Variants in ZNF648 observed in about 807,000 individuals in gnomAD.
ZNF648 encodes zinc finger protein 648.
A neutral mutation model predicts 0.3 loss-of-function variants in ZNF648; 1 was observed. The ratio of observed to expected loss-of-function variants is 3.90; its 90% CI spans 1.39 to 18.51. The LOEUF is 18.51. ZNF648 is among the 30% of genes most tolerant of loss of function. The probability of loss-of-function intolerance (pLI) is 0.11; values close to 1 mark genes in which losing one functional copy is unlikely to be tolerated. For missense variants in ZNF648, 874 were observed against 769.7 expected (o/e 1.14, Z -1.60); for synonymous variants, 376 against 326.8 (o/e 1.15, Z -1.62).
Position 182,058,007 on chromosome 1 carries a change from C to T in ZNF648, c.4G>A (p.Ala2Thr). Residue 2 changes from alanine (A) to threonine (T), a missense_variant, in exon 2 of 2, where the codon GCA becomes ACA. Physicochemically the swap from Ala to Thr is moderately conservative, Grantham distance 58 (BLOSUM62 0). Coordinates refer to ENST00000339948, the MANE Select transcript of ZNF648 (RefSeq NM_001009992.1). Reference sequence around the variant, plus strand: ...CACCTGTCCTGGGAGTCCACTTGTGCCATGATGTTCAGGCGCTTCTATTGC... The same window carrying T: ...CACCTGTCCTGGGAGTCCACTTGTGTCATGATGTTCAGGCGCTTCTATTGC... M[A>T]QVDSQDRWGE... 1 of 1,601,222 alleles carries T rather than the reference C, an allele frequency of 6.2e-7. No homozygotes were observed. Among genetic ancestry groups the T allele is most frequent in the Non-Finnish European group, 8.5e-7 (1 of 1,174,652 alleles).
chr1:182,064,281 T>G (rs1666069434), upstream of ZNF648: 1 of 152,228 alleles, frequency 6.6e-6, no homozygotes, highest in Admixed American at 6.5e-5. Flanking sequence ...AATCTATAAA[T>G]TGCTTTGGGC....
In ZNF648 at chr1:182,056,747, A is replaced by G. The variant is rs1571276685; in HGVS notation, c.1264T>C (p.Cys422Arg). 6.4e-7 allele frequency: 1 copy of G among 1,574,446 alleles called. No individual in the cohort carries two copies. The highest frequency in any genetic ancestry group is 8.6e-7 in the Non-Finnish European group (1 of 1,160,124). The change falls in exon 2 of 2, where the codon TGC (cysteine) becomes CGC (arginine). Residue 422 changes from cysteine to arginine, a missense_variant. Coordinates refer to ENST00000339948, the MANE Select transcript of ZNF648 (RefSeq NM_001009992.1). ...RVHSGERPFPCPTCGKCFTKS... is the reference protein window; with the variant it reads ...RVHSGERPFPRPTCGKCFTKS... ...GTGAAGCACTTGCCGCAGGTGGGGC[A>G]GGGGAAGGGCCGCTCGCCCGAGTGC...
chr1:182,059,702 T>C (rs1665999732), intron 1 of ZNF648, among the ~76,000 whole-genome samples: 1 of 144,174 alleles, frequency 6.9e-6, no homozygotes, highest in African/African-American at 2.7e-5. Context: ...CCGTCTCTAC[T>C]AAAAATACAA....
the ZNF648 span, among the ~76,000 whole-genome samples, chr1:182,067,226 C>T: frequency 9.9e-5 from 15 of 152,208 alleles, no homozygotes; most frequent in Admixed American, 2.0e-4. Flanking sequence ...GAAGACTGCA[C>T]AGTGTAGTGA....
Position 182,057,706 on chromosome 1 carries a change from C to G in ZNF648, c.305G>C (p.Ser102Thr). ...GATCTTTGTCACATCTCTGCTCCAA[C>G]TGGCTTTCCCAGACATTTCCACTGG... ...QKPVEMSGKA[S>T]WSRDVTKINE... The change falls in exon 2 of 2, where the codon AGT becomes ACT. Residue 102 changes from serine (S) to threonine (T), a missense_variant. Ser to Thr is a moderately conservative substitution (Grantham distance 58). Transcript: ENST00000339948. 6.2e-7 allele frequency: 1 copy of G among 1,614,268 alleles called. No individual in the cohort carries two copies. The highest frequency in any genetic ancestry group is 8.5e-7 in the Non-Finnish European group (1 of 1,180,050).
chr1:182,054,710 T>C lies in ZNF648; in HGVS notation c.*1594A>G, dbSNP rs1351374358. Reference sequence around the variant, plus strand: ...CCAAAGTTTCCGTCATATAGTAGGATCACTCTAACTTTTACCTACTACTAT... The same window carrying C: ...CCAAAGTTTCCGTCATATAGTAGGACCACTCTAACTTTTACCTACTACTAT... On this transcript the variant is annotated 3_prime_UTR_variant, in exon 2 of 2. Coordinates refer to ENST00000339948, the MANE Select transcript of ZNF648 (RefSeq NM_001009992.1). The C allele has an allele frequency of 1.3e-5, 2 of 152,208 alleles. No individual in the cohort carries two copies. The highest frequency in any genetic ancestry group is 2.9e-5 in the Non-Finnish European group (2 of 68,034). 9.4% of individuals were successfully genotyped at this position (152,208 alleles called of 1,614,324 possible). A position where few individuals can be genotyped will look rare whatever the true frequency, so the allele number is the denominator to read the frequency against.
Position 182,057,553 on chromosome 1 carries a change from G to T in ZNF648, c.458C>A (p.Ser153Ter), listed in dbSNP as rs1480847787. The T allele has an allele frequency of 2.5e-6, 4 of 1,614,184 alleles. No individual in the cohort carries two copies. The highest frequency in any genetic ancestry group is 3.4e-6 in the Non-Finnish European group (4 of 1,180,028). The change falls in exon 2 of 2, where the codon TCG (serine) becomes TAG (stop). Residue 153 changes from serine to a stop codon, truncating the protein, a stop_gained. Transcript: ENST00000339948. LOFTEE classifies it low-confidence loss of function (END_TRUNC). ...CAAGACTGCGTCCTGGTTTGCCCCC[G>T]AGTATCCATCATCACCCGCAGGTAG... is the stretch of plus-strand genomic sequence containing the variant. ...DRLPAGDDGY[S>*]GANQDAVLDV...
At chr1:182,059,189 T>C (rs1331965590) in intron 1 of ZNF648, among the ~76,000 whole-genome samples, 2 of 152,210 alleles carry the variant, frequency 1.3e-5, no homozygotes, top group East Asian at 3.8e-4. Context: ...TTCCCCCAAG[T>C]GTGCCATATT....
At chr1:182,058,798 G>A (rs1268973375) in intron 1 of ZNF648, among the ~76,000 whole-genome samples, 1 of 152,138 alleles carries the variant, frequency 6.6e-6, no homozygotes, top group Non-Finnish European at 1.5e-5. Flanking sequence ...TAAACATTCA[G>A]GAGAGTTTAC....
At chr1:182,064,790 C>T (rs1048961832), upstream of ZNF648, 3 of 152,146 alleles carry the variant, frequency 2.0e-5, no homozygotes, top group African/African-American at 7.2e-5. Flanking sequence ...GCCACTAGCC[C>T]GCATCCCAAC....
At position 182,056,147 on chromosome 1, in the gene ZNF648, G is replaced by A; in HGVS notation, c.*157C>T. 9.6e-7 allele frequency: 1 copy of A among 1,044,460 alleles called. No individual in the cohort carries two copies. Among genetic ancestry groups the A allele is most frequent in the East Asian group, 2.6e-5 (1 of 38,428 alleles). 64.7% of individuals were successfully genotyped at this position (1,044,460 alleles called of 1,614,324 possible). On this transcript the variant is annotated 3_prime_UTR_variant, in exon 2 of 2. Coordinates refer to ENST00000339948, the MANE Select transcript of ZNF648 (RefSeq NM_001009992.1). ...AACCACCCACCTGGGTGCTCTCTCG[G>A]TGGTGACTTTCTGTTCAAGGGATCA...
rs1284553015 is a variant in ZNF648 at position 182,057,185 on chromosome 1, C to A, written c.826G>T (p.Ala276Ser). 1.9e-6 allele frequency: 3 copies of A among 1,579,540 alleles called. No homozygotes were observed. The highest frequency in any genetic ancestry group is 2.6e-6 in the Non-Finnish European group (3 of 1,168,808). Residue 276 changes from alanine (A) to serine (S), a missense_variant, in exon 2 of 2, where the codon GCC (alanine) becomes TCC (serine). By Grantham distance (99) the Ala-to-Ser change is moderately conservative (BLOSUM62 1). Coordinates refer to ENST00000339948, the MANE Select transcript of ZNF648 (RefSeq NM_001009992.1). ...LSPAETRGGAAKRYACELCGK... is the reference protein window; with the variant it reads ...LSPAETRGGASKRYACELCGK... ...CATAGCTCGCACGCGTAGCGCTTGGCGGCGCCGCCGCGCGTCTCCGCGGGG... is the reference window on the plus strand; with the variant it reads ...CATAGCTCGCACGCGTAGCGCTTGGAGGCGCCGCCGCGCGTCTCCGCGGGG...
In ZNF648 at chr1:182,057,167, C is replaced by T. The variant is rs760029982; in HGVS notation, c.844G>A (p.Glu282Lys). 4 of 1,594,894 alleles carry T rather than the reference C, an allele frequency of 2.5e-6. No homozygotes were observed. In the East Asian group the frequency reaches 6.7e-5, roughly 27 times the overall value. Residue 282 changes from glutamate (E) to lysine (K), a missense_variant, in exon 2 of 2, where the codon GAG becomes AAG. Coordinates refer to ENST00000339948, the MANE Select transcript of ZNF648 (RefSeq NM_001009992.1). ...TGGGAGTAGGCCTTCCCGCATAGCT[C>T]GCACGCGTAGCGCTTGGCGGCGCCG... ...RGGAAKRYAC[E>K]LCGKAYSHRG...
intron 1 of ZNF648, among the ~76,000 whole-genome samples, chr1:182,058,855 C>T (rs1250310842): frequency 3.3e-5 from 5 of 152,114 alleles, no homozygotes; most frequent in Non-Finnish European, 5.9e-5. Flanking sequence ...GTCGGAGTCT[C>T]GCTCTGTCAC....
rs773620545 is a variant in ZNF648, at chr1:182,056,553, G to A, written c.1458C>T (p.Ala486=). The stretch of plus-strand genomic sequence containing the variant: ...GGTGCCGCTTCAGGGTCGAAGAGCG[G>A]GCAAAGGCCTGGCCACACTGCGTGC... ...FPCTQCGQAF[A]RSSTLKRHQQ... The change falls in exon 2 of 2, where the codon GCC becomes GCT. Residue 486 remains alanine (A), a synonymous_variant. Transcript: ENST00000339948. The A allele has an allele frequency of 1.9e-5, 31 of 1,614,030 alleles. 1 individual carries two copies. In the South Asian group the frequency reaches 2.6e-4, roughly 14 times the overall value.
Position 182,056,085 on chromosome 1 carries a change from T to C in ZNF648, c.*219A>G. Reference sequence around the variant, plus strand: ...CTACTTTGTCTTTCCCTTTTCCAATTGCTTATGACCTCGGACACTCAGAAC... The same window carrying C: ...CTACTTTGTCTTTCCCTTTTCCAATCGCTTATGACCTCGGACACTCAGAAC... On this transcript the variant is annotated 3_prime_UTR_variant, in exon 2 of 2. Transcript: ENST00000339948. 1 of 588,092 alleles carries C rather than the reference T, an allele frequency of 1.7e-6. No individual in the cohort carries two copies. The highest frequency in any genetic ancestry group is 2.9e-5 in the East Asian group (1 of 33,976). The allele number at this position is 588,092 out of a possible 1,614,324, so 36.4% of individuals were successfully genotyped here.
At position 182,056,696 on chromosome 1, in the gene ZNF648, G is replaced by C. The variant is rs779045092; in HGVS notation, c.1315C>G (p.Gln439Glu). The C allele has an allele frequency of 1.3e-6, 2 of 1,599,630 alleles. No homozygotes were observed. The highest frequency in any genetic ancestry group is 2.2e-5 in the South Asian group (2 of 89,066). Residue 439 changes from glutamine (Q) to glutamate (E), a missense_variant, in exon 2 of 2, where the codon CAG becomes GAG. Transcript: ENST00000339948. The stretch of plus-strand genomic sequence containing the variant: ...GGCCTCTGGCCGGTGTGCAGCGTCT[G>C]GTGCTCGGACAGATTGGAGGACTTG... ...FTKSSNLSEH[Q>E]TLHTGQRPFK...
At chr1:182,059,192 G>A (rs1235494233) in intron 1 of ZNF648, among the ~76,000 whole-genome samples, 1 of 152,190 alleles carries the variant, frequency 6.6e-6, no homozygotes, top group Admixed American at 6.5e-5. Context: ...CCCCAAGTGT[G>A]CCATATTGAT....
At chr1:182,066,920 G>T in the ZNF648 span, among the ~76,000 whole-genome samples, 1 of 152,100 alleles carries the variant, frequency 6.6e-6, no homozygotes, top group Non-Finnish European at 1.5e-5. Flanking sequence ...TTCCAGAAGG[G>T]TGCCATTCTC....
Sources: gnomAD v4.1 joint callset for allele counts (sites outside exome capture counted in the v4.1 genomes callset) on GRCh38, gnomAD v4.1.1 for gene constraint, MANE v1.5 for transcripts, NCBI Gene and HGNC (gene_info 2026-07-23, HGNC 2026-07-21) for gene names.